The following VWDE variants were observed in gnomAD, a reference collection of about 807,000 sequenced individuals.
The protein encoded by VWDE is von Willebrand factor D and EGF domain-containing protein.
In VWDE, 207 loss-of-function variants were observed where a neutral mutation model predicts 178.4. The observed-to-expected ratio is 1.16, with a 90% CI of 1.04 to 1.30. The LOEUF (loss-of-function observed/expected upper bound fraction) is 1.30. VWDE is among the 50% of genes most tolerant of loss of function. VWDE has a pLI of 0.00. For synonymous variants in VWDE, 738 were observed against 651.4 expected (o/e 1.13, Z -2.02); for missense variants, 2,287 against 1,901.3 (o/e 1.20, Z -3.77).
intron 13 of VWDE, among the ~76,000 whole-genome samples, chr7:12,365,386 T>A (rs73298535): frequency 0.028 from 4,211 of 152,240 alleles, 188 homozygotes; most frequent in African/African-American, 0.096. Context: ...ATTTTTACAA[T>A]TTTTCTGTGA....
intron 1 of VWDE, among the ~76,000 whole-genome samples, chr7:12,397,472 A>T (rs1313948778): frequency 6.6e-6 from 1 of 152,166 alleles, no homozygotes; most frequent in African/African-American, 2.4e-5. Context: ...AAATCCTAGG[A>T]AAAAACCCTA....
intron 1 of VWDE, among the ~76,000 whole-genome samples, chr7:12,396,492 G>T (rs1011623177): frequency 2.6e-5 from 4 of 152,078 alleles, no homozygotes; most frequent in African/African-American, 9.7e-5. Context: ...CTTCTTCAAA[G>T]ATTTGAGAAA....
chr7:12,383,823 A>G (rs1783970805), intron 3 of VWDE, among the ~76,000 whole-genome samples: 1 of 152,162 alleles, frequency 6.6e-6, no homozygotes, highest in Admixed American at 6.5e-5. Flanking sequence ...CTTATTTTCT[A>G]AGTACAAATC....
At position 12,337,262 on chromosome 7, in the gene VWDE, G is replaced by T; in HGVS notation, c.4377C>A (p.His1459Gln). 1 of 1,551,796 alleles carries T rather than the reference G, an allele frequency of 6.4e-7. No homozygotes were observed. The highest frequency in any genetic ancestry group is 8.7e-7 in the Non-Finnish European group (1 of 1,146,964). ...FGEHCQNAFC[H>Q]PPCKNGGHCM... ...AGTGGCCACCATTCTTACAGGGAGG[G>T]TGACAGAAAGCTAAAAGAACACATG... Residue 1459 changes from histidine to glutamine, a missense_variant, in exon 25 of 29, where the codon CAC (histidine) becomes CAA (glutamine). By Grantham distance (24) the His-to-Gln change is conservative. Coordinates refer to ENST00000275358, the MANE Select transcript of VWDE (RefSeq NM_001135924.3).
intron 7 of VWDE, among the ~76,000 whole-genome samples, chr7:12,375,529 T>A (rs1033288074): frequency 1.3e-4 from 20 of 151,708 alleles, no homozygotes; most frequent in Non-Finnish European, 2.5e-4. Context: ...TAGATAAAAT[T>A]TATTCTTTTA....
At chr7:12,390,785 T>C (rs1052051749) in intron 2 of VWDE, among the ~76,000 whole-genome samples, 2 of 152,012 alleles carry the variant, frequency 1.3e-5, no homozygotes, top group African/African-American at 2.4e-5. Context: ...TATGTTTATG[T>C]ACTGCTATTG....
Position 12,369,605 on chromosome 7 carries a change from T to C in VWDE, c.2701A>G (p.Met901Val), listed in dbSNP as rs1166477873. ...GGGGAACACGCACACCCCCATTCCA[T>C]GCACTGCCCATTGCCGCTGCATAAA... ...PNLCSGNGQC[M>V]EWGCACSPSF... The change falls in exon 12 of 29, where the codon ATG (methionine) becomes GTG (valine). Residue 901 changes from methionine to valine, a missense_variant. Met to Val is a conservative substitution (Grantham distance 21). Coordinates refer to ENST00000275358, the MANE Select transcript of VWDE (RefSeq NM_001135924.3). The C allele has an allele frequency of 8.4e-6, 13 of 1,551,282 alleles. No individual in the cohort carries two copies. Among genetic ancestry groups the C allele is most frequent in the African/African-American group, 1.4e-5 (1 of 73,130 alleles).
intron 23 of VWDE, among the ~76,000 whole-genome samples, 165 bp downstream of exon 23, chr7:12,341,894 G>A (rs995333217): frequency 2.6e-5 from 4 of 152,204 alleles, no homozygotes; most frequent in South Asian, 4.1e-4. Context: ...AAAAACAAAG[G>A]GAATGAAGAT....
Position 12,375,245 on chromosome 7 carries a change from A to G in VWDE, c.1025-18T>C, listed in dbSNP as rs959004927. Reference sequence around the variant, plus strand: ...CTCTCTACCTATTTAATGAAAAAATAGGTTTAAAAATTTCCAAGAGAATAT... The same window carrying G: ...CTCTCTACCTATTTAATGAAAAAATGGGTTTAAAAATTTCCAAGAGAATAT... On this transcript the variant is annotated intron_variant, in intron 7 of 28. Coordinates refer to ENST00000275358, the MANE Select transcript of VWDE (RefSeq NM_001135924.3). 3.9e-6 allele frequency: 6 copies of G among 1,539,452 alleles called. No homozygotes were observed. In the African/African-American group the frequency reaches 8.3e-5, roughly 21 times the overall value.
In VWDE at chr7:12,359,633, G is replaced by A. The variant is rs1205219285; in HGVS notation, c.3219C>T (p.Ser1073=). Residue 1073 remains serine (S), a synonymous_variant, in exon 16 of 29, where the codon AGC becomes AGT. Coordinates refer to ENST00000275358, the MANE Select transcript of VWDE (RefSeq NM_001135924.3). The part of the protein sequence containing the change: ...CYVEGDKNPT[S]PCLICRPKIS... ...TTTTGGGTCTACAAATCAAACAAGGGCTGGTTGGATTTTTGTCTCCTTCAA... is the reference window on the plus strand; with the variant it reads ...TTTTGGGTCTACAAATCAAACAAGGACTGGTTGGATTTTTGTCTCCTTCAA... 3 of 1,550,184 alleles carry A rather than the reference G, an allele frequency of 1.9e-6. No individual in the cohort carries two copies. The highest frequency in any genetic ancestry group is 1.7e-4 in the Middle Eastern group (1 of 5,980).
At chr7:12,388,978 T>G (rs1390449692) in intron 3 of VWDE, 149 bp downstream of exon 3, 1 of 756,906 alleles carries the variant, frequency 1.3e-6, no homozygotes, top group Non-Finnish European at 2.4e-6. Flanking sequence ...TTGACCAATG[T>G]AAACAGAAAT....
At chr7:12,338,145 C>T (rs1781137655) in intron 24 of VWDE, among the ~76,000 whole-genome samples, 1 of 151,960 alleles carries the variant, frequency 6.6e-6, no homozygotes, top group Admixed American at 6.6e-5. Flanking sequence ...TATTTCCAAA[C>T]ACTGTAAGAA....
At chr7:12,342,993 G>C in intron 22 of VWDE, 90 bp downstream of exon 22, 1 of 905,352 alleles carries the variant, frequency 1.1e-6, no homozygotes, top group South Asian at 1.7e-5. Flanking sequence ...TCTTTACGTA[G>C]AGTTTGGGTT....
chr7:12,367,593 A>G, intron 12 of VWDE, 100 bp from the exon 13 acceptor site: 2 of 1,070,192 alleles, frequency 1.9e-6, no homozygotes, highest in Non-Finnish European at 2.6e-6. Context: ...ATGGAAAATA[A>G]TATTTTAAAG....
At chr7:12,344,131 G>T in intron 21 of VWDE, 64 bp downstream of exon 21, 3 of 1,359,526 alleles carry the variant, frequency 2.2e-6, no homozygotes, top group East Asian at 2.5e-5. Flanking sequence ...CTTGTAAAAT[G>T]GTTTTTAAAG....
chr7:12,352,417 C>T (rs533731394), intron 18 of VWDE, among the ~76,000 whole-genome samples: 2 of 152,292 alleles, frequency 1.3e-5, no homozygotes, highest in Admixed American at 6.5e-5. Context: ...AACCAAAAGT[C>T]CTTTTGTATT....
At chr7:12,336,844 A>G in intron 26 of VWDE, 144 bp downstream of exon 26, 1 of 653,704 alleles carries the variant, frequency 1.5e-6, no homozygotes, top group Non-Finnish European at 2.6e-6. Context: ...TGTTTCAAAG[A>G]GGTATCTCCT....
intron 19 of VWDE, among the ~76,000 whole-genome samples, chr7:12,350,663 A>G (rs1417661479): frequency 6.6e-6 from 1 of 150,730 alleles, no homozygotes; most frequent in Non-Finnish European, 1.5e-5. Flanking sequence ...CTTCAGTTAG[A>G]TTGCTCAGGC....
intron 18 of VWDE, chr7:12,354,188 A>C (rs1339638852): frequency 3.8e-6 from 1 of 265,598 alleles, no homozygotes; most frequent in Non-Finnish European, 7.4e-6. Context: ...TAAGTCAGAA[A>C]ACATGTCTTA....
Sources: allele counts gnomAD v4.1 joint callset (sites outside exome capture counted in the v4.1 genomes callset), GRCh38; gene constraint gnomAD v4.1.1; transcripts MANE v1.5; gene names NCBI Gene and HGNC (gene_info 2026-07-23, HGNC 2026-07-21).